Variants in UBE3A observed in about 807,000 individuals in gnomAD.
UBE3A encodes ubiquitin-protein ligase E3A.
Under a neutral mutation model 83.4 loss-of-function variants are expected in UBE3A, and 6 were observed. The observed-to-expected ratio is 0.07, with a 90% CI of 0.04 to 0.14. The LOEUF (loss-of-function observed/expected upper bound fraction) is 0.14, where lower values mean the gene tolerates loss of function less well. UBE3A is among the 10% of genes least tolerant of loss of function. UBE3A has a pLI of 1.00. For missense variants in UBE3A, 456 were observed against 1,036.1 expected (o/e 0.44, Z 7.69); for synonymous variants, 337 against 355.4 (o/e 0.95, Z 0.58).
chr15:25,431,079 A>G (rs998386306), intron 1 of UBE3A, among the ~76,000 whole-genome samples: 6 of 152,330 alleles, frequency 3.9e-5, no homozygotes, highest in Non-Finnish European at 5.9e-5. Context: ...CGTCTAATAC[A>G]CTACACTTAA....
At chr15:25,420,785 C>G (rs1889411557) in intron 1 of UBE3A, 1 of 152,064 alleles carries the variant, frequency 6.6e-6, no homozygotes, top group African/African-American at 2.4e-5. Context: ...TACCACATGA[C>G]CCAGCAATTC....
At chr15:25,375,431 G>A in intron 5 of UBE3A, 34 bp downstream of exon 5, 1 of 1,607,116 alleles carries the variant, frequency 6.2e-7, no homozygotes, top group Admixed American at 1.7e-5. Flanking sequence ...TGGTTTTCAG[G>A]CAACAATTCT....
chr15:25,430,750 C>T (rs1009864716), intron 1 of UBE3A, among the ~76,000 whole-genome samples: 9 of 152,158 alleles, frequency 5.9e-5, no homozygotes, highest in Admixed American at 5.2e-4. Flanking sequence ...CAAACATTTA[C>T]TGTTTTCTTA....
intron 11 of UBE3A, among the ~76,000 whole-genome samples, chr15:25,350,607 T>G (rs1210070842): frequency 6.6e-6 from 1 of 152,190 alleles, no homozygotes; most frequent in African/African-American, 2.4e-5. Flanking sequence ...CCTACATGTT[T>G]GCCCAGGAGA....
chr15:25,368,204 G>T (rs1208671799), intron 6 of UBE3A, among the ~76,000 whole-genome samples: 6 of 152,082 alleles, frequency 3.9e-5, no homozygotes, highest in Non-Finnish European at 7.4e-5. Flanking sequence ...TCATATGAGA[G>T]AATAATCTTA....
intron 11 of UBE3A, among the ~76,000 whole-genome samples, chr15:25,344,949 GTTATTA>G (rs575279107): frequency 5.9e-5 from 9 of 152,152 alleles, no homozygotes; most frequent in South Asian, 4.2e-4. Flanking sequence ...CAACGACATA[GTTATTA>G]TTATTATTAT....
At chr15:25,413,262 A>G (rs752375774) in intron 1 of UBE3A, among the ~76,000 whole-genome samples, 2 of 152,132 alleles carry the variant, frequency 1.3e-5, no homozygotes, top group African/African-American at 2.4e-5. Context: ...CTAATAATAA[A>G]TGCCTATGTT....
At position 25,380,236 on chromosome 15, in the gene UBE3A, ACTT is replaced by A. The variant is rs554254514; in HGVS notation, c.63-4476_63-4474del. 1.6e-3 allele frequency among the ~76,000 whole-genome samples: 248 copies of A among 151,016 alleles called. 4 individuals are homozygous for A. The highest frequency in any genetic ancestry group is 0.016 in the Admixed American group (243 of 15,148). The stretch of plus-strand genomic sequence containing the variant: ...CATGTGGAAGTGTAAGTCCAATTAA[ACTT>A]CTTTTTTTTTTCCCAGTCTCAGGTA... On this transcript the variant is annotated intron_variant, in intron 4 of 12. Coordinates refer to ENST00000648336, the MANE Select transcript of UBE3A (RefSeq NM_130839.5).
chr15:25,343,375 C>A (rs2075181404), intron 11 of UBE3A, among the ~76,000 whole-genome samples: 1 of 151,980 alleles, frequency 6.6e-6, no homozygotes, highest in Non-Finnish European at 1.5e-5. Flanking sequence ...ACAAGACAGA[C>A]CACCAGTGAT....
chr15:25,386,831 C>G (rs1040048348), intron 4 of UBE3A, among the ~76,000 whole-genome samples: 6 of 152,008 alleles, frequency 3.9e-5, no homozygotes, highest in Admixed American at 2.6e-4. Flanking sequence ...ACCTAGCACT[C>G]TACCTTGTGA....
intron 1 of UBE3A, among the ~76,000 whole-genome samples, chr15:25,434,427 A>G (rs1894389855): frequency 6.6e-6 from 1 of 152,210 alleles, no homozygotes; most frequent in Non-Finnish European, 1.5e-5. Context: ...TTTTAATATT[A>G]TCTTTTTACA....
chr15:25,375,329 A>G, intron 5 of UBE3A, 136 bp downstream of exon 5: 1 of 1,006,910 alleles, frequency 9.9e-7, no homozygotes, highest in Non-Finnish European at 1.4e-6. Context: ...CCTGTCCGTT[A>G]CCACAATAAA....
intron 8 of UBE3A, 36 bp downstream of exon 8, chr15:25,356,655 T>C (rs1216522005): frequency 5.0e-6 from 8 of 1,594,330 alleles, no homozygotes; most frequent in Non-Finnish European, 4.3e-6. Context: ...AAATAAAATC[T>C]AAGAGACTGA....
intron 6 of UBE3A, among the ~76,000 whole-genome samples, chr15:25,364,648 T>TG (rs1311410416): frequency 2.3e-5 from 3 of 128,660 alleles, no homozygotes; most frequent in Non-Finnish European, 4.9e-5. Flanking sequence ...TTTGTTTGTT[T>TG]TTTTTTTTTT....
rs2074161921 is a variant in UBE3A at position 25,338,354 on chromosome 15, T to TTCATATACTAA, written c.*772_*782dup. 1 of 152,080 alleles carries TTCATATACTAA rather than the reference T, an allele frequency of 6.6e-6. No individual in the cohort carries two copies. The highest frequency in any genetic ancestry group is 2.4e-5 in the African/African-American group (1 of 41,430). The allele number at this position is 152,080 out of a possible 1,614,324, so 9.4% of individuals were successfully genotyped here. A position where few individuals can be genotyped will look rare whatever the true frequency, so the allele number is the denominator to read the frequency against. On this transcript the variant is annotated 3_prime_UTR_variant, in exon 13 of 13. Coordinates refer to ENST00000648336, the MANE Select transcript of UBE3A (RefSeq NM_130839.5). ...CAACAAGAACAAAAATCCCTGTCCTTTCATATACTAAGAAAGAGGATTGGC... is the reference window on the plus strand; with the variant it reads ...CAACAAGAACAAAAATCCCTGTCCTTTCATATACTAATCATATACTAAGAAAGAGGATTGGC...
At chr15:25,404,359 T>C (rs760505488) in intron 4 of UBE3A, among the ~76,000 whole-genome samples, 1 of 152,192 alleles carries the variant, frequency 6.6e-6, no homozygotes, top group Non-Finnish European at 1.5e-5. Context: ...TCAATCACTA[T>C]ATCTGCATTT....
intron 4 of UBE3A, among the ~76,000 whole-genome samples, chr15:25,377,548 T>C (rs1595880595): frequency 6.6e-6 from 1 of 152,190 alleles, no homozygotes; most frequent in South Asian, 2.1e-4. Flanking sequence ...ATTTAAAATA[T>C]ATATTGCTAC....
chr15:25,341,664 A>G (rs1230665612), intron 11 of UBE3A, among the ~76,000 whole-genome samples: 1 of 151,012 alleles, frequency 6.6e-6, no homozygotes, highest in East Asian at 2.0e-4. Flanking sequence ...TTGGGAGGCC[A>G]AGGCAGAAGA....
chr15:25,363,717 AT>A (rs2078522995), intron 6 of UBE3A, among the ~76,000 whole-genome samples: 1 of 151,874 alleles, frequency 6.6e-6, no homozygotes, highest in Non-Finnish European at 1.5e-5. Flanking sequence ...TCTTTTCCAT[AT>A]TTTTCCATTT....
Sources: allele counts gnomAD v4.1 joint callset (sites outside exome capture counted in the v4.1 genomes callset), GRCh38; gene constraint gnomAD v4.1.1; transcripts MANE v1.5; gene names NCBI Gene and HGNC (gene_info 2026-07-23, HGNC 2026-07-21).